The following ACAN variants were observed in gnomAD, a reference collection of about 807,000 sequenced individuals.
The protein encoded by ACAN is aggrecan.
ACAN carries 47 observed loss-of-function variants against 169.1 expected under a neutral mutation model. The ratio of observed to expected loss-of-function variants is 0.28; its 90% CI spans 0.22 to 0.35. The LOEUF (loss-of-function observed/expected upper bound fraction) is 0.35. Among genes scored for constraint, ACAN ranks in the 10% least tolerant of loss-of-function variants. ACAN has a pLI of 1.00. For synonymous variants in ACAN, 1,115 were observed against 1,112.2 expected (o/e 1.00, Z -0.05); for missense variants, 2,716 against 2,759.9 (o/e 0.98, Z 0.36).
intron 1 of ACAN, among the ~76,000 whole-genome samples, chr15:88,812,742 T>C (rs1447972524): frequency 6.6e-6 from 1 of 152,212 alleles, no homozygotes; most frequent in East Asian, 1.9e-4. Flanking sequence ...TGCATTTTTC[T>C]TTAACTTATC....
chr15:88,852,112 G>A (rs2141596460), intron 11 of ACAN, 79 bp downstream of exon 11: 1 of 1,506,020 alleles, frequency 6.6e-7, no homozygotes, highest in Non-Finnish European at 8.9e-7. Context: ...GTGGGGCGGG[G>A]GGGTTCCCTC....
chr15:88,816,289 T>C (rs1266646610), intron 1 of ACAN, among the ~76,000 whole-genome samples: 1 of 152,214 alleles, frequency 6.6e-6, no homozygotes, highest in Non-Finnish European at 1.5e-5. Flanking sequence ...CAGTTCAACA[T>C]ATAACACCCT....
intron 1 of ACAN, among the ~76,000 whole-genome samples, chr15:88,817,156 C>T (rs1416314073): frequency 6.6e-6 from 1 of 151,552 alleles, no homozygotes; most frequent in East Asian, 2.0e-4. Flanking sequence ...TTGTTTTTGT[C>T]TTTGAGACAG....
chr15:88,860,500 C>G, intron 13 of ACAN, 61 bp downstream of exon 13: 1 of 1,463,376 alleles, frequency 6.8e-7, no homozygotes, highest in Non-Finnish European at 9.4e-7. Flanking sequence ...TTCTTCATCC[C>G]CCAAAGGGTC....
chr15:88,824,619 C>G (rs1896163996), intron 1 of ACAN, among the ~76,000 whole-genome samples: 1 of 152,160 alleles, frequency 6.6e-6, no homozygotes, highest in Admixed American at 6.5e-5. Flanking sequence ...TGGCTCATGC[C>G]TATAATCCCA....
chr15:88,805,724 A>G (rs1472226140), intron 1 of ACAN, among the ~76,000 whole-genome samples: 2 of 152,208 alleles, frequency 1.3e-5, no homozygotes, highest in Non-Finnish European at 1.5e-5. Context: ...TAATATTACT[A>G]TTATCATTCT....
rs185209088 is a variant in ACAN at position 88,811,477 on chromosome 15, C to T, written c.-8+7668C>T. Among the ~76,000 whole-genome samples, 42 of 152,336 alleles carry T rather than the reference C, an allele frequency of 2.8e-4. 1 individual carries two copies. The highest frequency in any genetic ancestry group is 2.5e-3 in the Admixed American group (39 of 15,296). On this transcript the variant is annotated intron_variant, in intron 1 of 18. Transcript: ENST00000560601. Reference sequence around the variant, plus strand: ...TGACCCAGCAAGCGCTCTCCAAGCCCCACATCTCACATCTGTAACCTTCCC... The same window carrying T: ...TGACCCAGCAAGCGCTCTCCAAGCCTCACATCTCACATCTGTAACCTTCCC...
intron 1 of ACAN, among the ~76,000 whole-genome samples, chr15:88,815,655 TTAAAAAAAAAAA>T (rs1300446955): frequency 4.2e-5 from 3 of 71,592 alleles, no homozygotes; most frequent in African/African-American, 1.7e-4. Context: ...TCTGCACTGA[TTAAAAAAAAAAA>T]AAAAAAAAAA....
intron 1 of ACAN, among the ~76,000 whole-genome samples, chr15:88,823,897 T>C (rs1896140614): frequency 6.6e-6 from 1 of 152,160 alleles, no homozygotes; most frequent in Non-Finnish European, 1.5e-5. Flanking sequence ...CCATGGGCCG[T>C]GTGTGCACTC....
intron 13 of ACAN, among the ~76,000 whole-genome samples, chr15:88,863,706 C>T (rs1897239864): frequency 6.6e-6 from 1 of 152,208 alleles, no homozygotes; most frequent in Admixed American, 6.5e-5. Flanking sequence ...ACTTTCCACT[C>T]TCTCTTCCTC....
Position 88,843,204 on chromosome 15 carries a change from G to T in ACAN, c.758-151G>T, listed in dbSNP as rs1422981043. 1.7e-6 allele frequency: 1 copy of T among 599,892 alleles called. No individual in the cohort carries two copies. The highest frequency in any genetic ancestry group is 2.7e-6 in the Non-Finnish European group (1 of 376,294). The allele number at this position is 599,892 out of a possible 1,614,324, so 37.2% of individuals were successfully genotyped here. On this transcript the variant is annotated intron_variant, in intron 5 of 18. Transcript: ENST00000560601. The surrounding 1 kb of genome is among the most constrained non-coding windows in gnomAD (Gnocchi z 4.0). ...CAAAAGCCCAGAAATAAGCAATGAA[G>T]GGCAAGATCTGAGATGCAGACATAT...
intron 6 of ACAN, among the ~76,000 whole-genome samples, chr15:88,844,260 A>G (rs1896740373): frequency 6.9e-6 from 1 of 145,420 alleles, no homozygotes; most frequent in Non-Finnish European, 1.5e-5. Flanking sequence ...TCAGCCTCCC[A>G]TGCAACTGGG....
Position 88,843,162 on chromosome 15 carries a change from A to G in ACAN, c.758-193A>G, listed in dbSNP as rs1896707154. Among the ~76,000 whole-genome samples, 1 of 152,144 alleles carries G rather than the reference A, an allele frequency of 6.6e-6. No homozygotes were observed. The highest frequency in any genetic ancestry group is 1.5e-5 in the Non-Finnish European group (1 of 68,040). On this transcript the variant is annotated intron_variant, in intron 5 of 18. Coordinates refer to ENST00000560601, the MANE Select transcript of ACAN (RefSeq NM_001369268.1). This position sits in a 1 kb window ranked among gnomAD's most constrained non-coding sequence, Gnocchi z 4.0. ...TTTCTTGGTCCCCTTGTTTTAGGAA[A>G]TTGATGTCATCCTACACAAAAGCCC... is the stretch of plus-strand genomic sequence containing the variant.
chr15:88,831,845 A>T (rs778654751), intron 1 of ACAN, among the ~76,000 whole-genome samples: 1 of 152,222 alleles, frequency 6.6e-6, no homozygotes, highest in Non-Finnish European at 1.5e-5. Flanking sequence ...AGGCCGCCAC[A>T]GGAGGAAGCG....
chr15:88,828,273 G>A (rs898155334), intron 1 of ACAN, among the ~76,000 whole-genome samples: 1 of 152,186 alleles, frequency 6.6e-6, no homozygotes, highest in Non-Finnish European at 1.5e-5. Context: ...CCAGACCCTA[G>A]CCCCAGATTC....
At chr15:88,840,329 A>C in intron 4 of ACAN, 143 bp downstream of exon 4, 6 of 1,051,658 alleles carry the variant, frequency 5.7e-6, no homozygotes, top group Non-Finnish European at 7.9e-6. Flanking sequence ...CCGTGGTCAC[A>C]CCTTGGCCAA....
At chr15:88,828,250 T>A (rs7179602) in intron 1 of ACAN, among the ~76,000 whole-genome samples, 111,471 of 151,808 alleles carry the variant, frequency 0.73, 41,188 homozygotes, top group African/African-American at 0.8. Flanking sequence ...AAGAAGGGAG[T>A]GAAAGGACAG....
At position 88,851,634 on chromosome 15, in the gene ACAN, C is replaced by T. The variant is rs1027915304; in HGVS notation, c.2027-160C>T. On this transcript the variant is annotated intron_variant, in intron 10 of 18. Coordinates refer to ENST00000560601, the MANE Select transcript of ACAN (RefSeq NM_001369268.1). The surrounding 1 kb of genome is among the most constrained non-coding windows in gnomAD (Gnocchi z 4.3). ...GCATATGGATATTATATCATTGGTG[C>T]CGATGGCTCTTACTAAGCGAGAAGG... The T allele has an allele frequency of 2.2e-5, 17 of 759,752 alleles. No individual in the cohort carries two copies. The South Asian group carries it at 2.7e-4, about 12-fold the overall frequency. The allele number at this position is 759,752 out of a possible 1,614,324, so 47.1% of individuals were successfully genotyped here. A position where few individuals can be genotyped will look rare whatever the true frequency, so the allele number is the denominator to read the frequency against.
intron 1 of ACAN, among the ~76,000 whole-genome samples, chr15:88,828,655 A>C (rs915296175): frequency 1.3e-5 from 2 of 152,180 alleles, no homozygotes; most frequent in African/African-American, 4.8e-5. Flanking sequence ...GTCCCTGGCC[A>C]TGAGGGAGGC....
Sources: allele counts gnomAD v4.1 joint callset (sites outside exome capture counted in the v4.1 genomes callset), GRCh38; gene constraint gnomAD v4.1.1; non-coding constraint Gnocchi (gnomAD v3.1); transcripts MANE v1.5; gene names NCBI Gene and HGNC (gene_info 2026-07-23, HGNC 2026-07-21).